TENM4: variants seen among roughly 807,000 people sequenced by gnomAD.
TENM4 encodes the protein teneurin-4.
TENM4 carries 82 observed loss-of-function variants against 243.3 expected under a neutral mutation model. The ratio of observed to expected loss-of-function variants is 0.34; its 90% confidence interval spans 0.28 to 0.40. TENM4 has a LOEUF of 0.40. Among genes scored for constraint, TENM4 ranks in the 10% least tolerant of loss-of-function variants. The probability of loss-of-function intolerance (pLI) is 1.00; values close to 1 mark genes in which losing one functional copy is unlikely to be tolerated. For missense variants in TENM4, 3,138 were observed against 3,673.3 expected (o/e 0.85, Z 3.77); for synonymous variants, 1,412 against 1,456.3 (o/e 0.97, Z 0.69).
chr11:78,882,082 C>T (rs1855443363), intron 9 of TENM4, among the ~76,000 whole-genome samples: 1 of 152,168 alleles, frequency 6.6e-6, no homozygotes, highest in African/African-American at 2.4e-5. Context: ...AAATCTATGG[C>T]TCCTGTCCAA....
At chr11:79,295,762 T>A (rs1487157159) in intron 2 of TENM4, among the ~76,000 whole-genome samples, 3 of 151,976 alleles carry the variant, frequency 2.0e-5, no homozygotes, top group African/African-American at 7.2e-5. Flanking sequence ...TGAGCCAAGA[T>A]GAAAGAGTGA....
In TENM4 at chr11:79,425,414, C is replaced by T. The variant is rs61039355; in HGVS notation, c.-321+15095G>A. ...ATGCTGAACTAAAGCCAGCTCTCCC[C>T]ACATCCCTAGCACATCTCAGTGTCT... On this transcript the variant is annotated intron_variant, in intron 1 of 33. Transcript: ENST00000278550. Among the ~76,000 whole-genome samples, 395 of 152,294 alleles carry T rather than the reference C, an allele frequency of 2.6e-3. 5 individuals carry two copies. The highest frequency in any genetic ancestry group is 9.1e-3 in the African/African-American group (377 of 41,560).
At chr11:78,766,705 A>AG (rs1565370289) in intron 18 of TENM4, among the ~76,000 whole-genome samples, 4 of 54,508 alleles carry the variant, frequency 7.3e-5, no homozygotes, top group Non-Finnish European at 1.4e-4. Context: ...CGGCTCCCCC[A>AG]ATTTTTTTTT....
rs546425843 is a variant in TENM4, at chr11:78,929,866, C to T, written c.494-26343G>A. Among the ~76,000 whole-genome samples, 14 of 152,268 alleles carry T rather than the reference C, an allele frequency of 9.2e-5. No homozygotes were observed. The South Asian group carries it at 1.7e-3, about 18-fold the overall frequency. ...CTTCTCTGCTGGGAGCCTATTTTAC[C>T]AGCAAAAGTTTCTTTGAAGACTAAT... On this transcript the variant is annotated intron_variant, in intron 6 of 33. Transcript: ENST00000278550.
rs549524702 is a variant in TENM4 at position 78,728,265 on chromosome 11, C to T, written c.3406+1111G>A. On this transcript the variant is annotated intron_variant, in intron 22 of 33. Transcript: ENST00000278550. ...ATCTGGAATAAATCCAGCTCTGTTC[C>T]TTTCTAGCTGTGCATCTCACTGGGA... is the stretch of plus-strand genomic sequence containing the variant. Among the ~76,000 whole-genome samples the T allele has an allele frequency of 1.4e-4, 22 of 152,306 alleles. No individual in the cohort carries two copies. In the South Asian group the frequency reaches 4.6e-3, roughly 32 times the overall value.
At chr11:78,829,627 C>T (rs550786200) in intron 12 of TENM4, among the ~76,000 whole-genome samples, 1 of 152,306 alleles carries the variant, frequency 6.6e-6, no homozygotes, top group African/African-American at 2.4e-5. Flanking sequence ...TCTGGGGGTT[C>T]TAATTCTACT....
At chr11:79,017,993 G>A (rs1433527901) in intron 6 of TENM4, among the ~76,000 whole-genome samples, 1 of 152,192 alleles carries the variant, frequency 6.6e-6, no homozygotes, top group African/African-American at 2.4e-5. Flanking sequence ...CTCCCACTTG[G>A]GGATGTAAGC....
intron 6 of TENM4, among the ~76,000 whole-genome samples, chr11:78,990,149 T>C (rs1858007796): frequency 6.6e-6 from 1 of 152,106 alleles, no homozygotes; most frequent in East Asian, 1.9e-4. Context: ...AGTTTTAGAC[T>C]CACAGATATG....
At position 78,979,028 on chromosome 11, in the gene TENM4, G is replaced by A. The variant is rs550026718; in HGVS notation, c.494-75505C>T. Among the ~76,000 whole-genome samples, 3 of 152,302 alleles carry A rather than the reference G, an allele frequency of 2.0e-5. No homozygotes were observed. The East Asian group carries it at 5.8e-4, about 29-fold the overall frequency. On this transcript the variant is annotated intron_variant, in intron 6 of 33. Coordinates refer to ENST00000278550, the MANE Select transcript of TENM4 (RefSeq NM_001098816.3). ...ATTGGGGAAATGACAGAAGAGAAAG[G>A]TGCCTGTAGGGTAAGAAATGCATTC...
intron 4 of TENM4, among the ~76,000 whole-genome samples, chr11:79,123,883 G>A (rs369243789): frequency 6.6e-5 from 10 of 152,296 alleles, no homozygotes; most frequent in Middle Eastern, 3.4e-3. Context: ...AGCCTTTAGT[G>A]TGCTAGTGGC....
chr11:78,910,910 C>G (rs940929817), intron 6 of TENM4, among the ~76,000 whole-genome samples: 1 of 152,192 alleles, frequency 6.6e-6, no homozygotes, highest in South Asian at 2.1e-4. Flanking sequence ...CAAGGAAGGG[C>G]CCACAGAGGA....
intron 21 of TENM4, among the ~76,000 whole-genome samples, 173 bp downstream of exon 21, chr11:78,732,143 C>T (rs1855682945): frequency 2.0e-5 from 3 of 152,158 alleles, no homozygotes; most frequent in Admixed American, 2.0e-4. Context: ...CCCCTCATGC[C>T]CTTACACCAT....
intron 2 of TENM4, among the ~76,000 whole-genome samples, chr11:79,291,989 G>T (rs754071790): frequency 5.3e-5 from 8 of 152,118 alleles, no homozygotes; most frequent in Non-Finnish European, 8.8e-5. Flanking sequence ...GTCCTGCCCA[G>T]GTCGTCCAGA....
At chr11:79,384,259 T>C (rs569630291) in intron 1 of TENM4, among the ~76,000 whole-genome samples, 5 of 152,342 alleles carry the variant, frequency 3.3e-5, no homozygotes, top group Admixed American at 1.3e-4. Context: ...TTTTGCGAAA[T>C]GAAGAGTAAC....
At chr11:79,427,584 A>C (rs926057638) in intron 1 of TENM4, among the ~76,000 whole-genome samples, 1 of 152,160 alleles carries the variant, frequency 6.6e-6, no homozygotes, top group African/African-American at 2.4e-5. Flanking sequence ...GAAAATCAAA[A>C]GGTTAGGAGA....
At chr11:78,789,175 C>T (rs564646965) in intron 15 of TENM4, among the ~76,000 whole-genome samples, 4 of 152,268 alleles carry the variant, frequency 2.6e-5, no homozygotes, top group East Asian at 1.9e-4. Flanking sequence ...GGATGAATTA[C>T]GGTATGCCTG....
chr11:79,318,780 G>A (rs1856842794), intron 1 of TENM4, among the ~76,000 whole-genome samples: 1 of 152,182 alleles, frequency 6.6e-6, no homozygotes, highest in South Asian at 2.1e-4. Flanking sequence ...AATAATGGCT[G>A]TTTAATAACT....
intron 6 of TENM4, among the ~76,000 whole-genome samples, chr11:79,013,987 T>C (rs2136766061): frequency 6.6e-6 from 1 of 152,312 alleles, no homozygotes; most frequent in South Asian, 2.1e-4. Context: ...TTTTTCTCTA[T>C]AGTCACTTTT....
At chr11:79,130,082 G>A (rs1209804789) in intron 4 of TENM4, among the ~76,000 whole-genome samples, 1 of 152,170 alleles carries the variant, frequency 6.6e-6, no homozygotes, top group Non-Finnish European at 1.5e-5. Context: ...ACAACTCCCA[G>A]TACCAGCCTG....
Sources: gnomAD v4.1 joint callset for allele counts (sites outside exome capture counted in the v4.1 genomes callset) on GRCh38, gnomAD v4.1.1 for gene constraint, MANE v1.5 for transcripts, NCBI Gene and HGNC (gene_info 2026-07-23, HGNC 2026-07-21) for gene names.